DLG2: variants seen among roughly 807,000 people sequenced by gnomAD.
DLG2 encodes the protein disks large homolog 2.
In DLG2, 45 loss-of-function variants were observed where a neutral mutation model predicts 132.5. The observed-to-expected ratio is 0.34, with a 90% CI of 0.27 to 0.44. DLG2 has a LOEUF of 0.44. DLG2 is among the 20% of genes least tolerant of loss of function. The pLI, the probability that DLG2 is intolerant of heterozygous loss-of-function variation, is 1.00. For missense variants in DLG2, 1,045 were observed against 1,196.9 expected, an observed-to-expected ratio of 0.87 and a Z score of 1.87; for synonymous variants, 424 against 419.6, an observed-to-expected ratio of 1.01 and a Z score of -0.13.
chr11:83,737,602 T>C (rs1593358303), intron 18 of DLG2, among the ~76,000 whole-genome samples: 1 of 152,186 alleles, frequency 6.6e-6, no homozygotes, highest in African/African-American at 2.4e-5. Context: ...GGATAGCAAA[T>C]AGAACTATAT....
intron 8 of DLG2, among the ~76,000 whole-genome samples, chr11:84,245,517 AG>A (rs1263284102): frequency 2.3e-4 from 35 of 152,190 alleles, no homozygotes; most frequent in East Asian, 1.2e-3. Context: ...CTTTCCTAGG[AG>A]GGTTTTCCAA....
intron 7 of DLG2, among the ~76,000 whole-genome samples, chr11:84,293,999 A>T (rs1004018278): frequency 2.7e-4 from 41 of 152,324 alleles, no homozygotes; most frequent in African/African-American, 9.9e-4. Flanking sequence ...CCAGAAAAAG[A>T]GTCTGCATGT....
chr11:84,489,184 A>G (rs1409587921), intron 7 of DLG2, among the ~76,000 whole-genome samples: 1 of 152,098 alleles, frequency 6.6e-6, no homozygotes, highest in Non-Finnish European at 1.5e-5. Flanking sequence ...TTCAAAGTTT[A>G]TGATAGTATA....
In DLG2 at chr11:85,141,840, C is replaced by A. The variant is rs1363672528; in HGVS notation, c.282+12716G>T. ...CTTTTCCCAAAATATGTTCTTCACA[C>A]CTTTGTCAAAATTGAGTTCATGGTA... On this transcript the variant is annotated intron_variant, in intron 5 of 27. Coordinates refer to ENST00000376104, the MANE Select transcript of DLG2 (RefSeq NM_001142699.3). 2.0e-5 allele frequency among the ~76,000 whole-genome samples: 3 copies of A among 151,854 alleles called. No homozygotes were observed. The East Asian group carries it at 5.8e-4, about 29-fold the overall frequency.
intron 6 of DLG2, among the ~76,000 whole-genome samples, chr11:85,055,273 G>T (rs940312157): frequency 6.6e-6 from 1 of 151,974 alleles, no homozygotes; most frequent in African/African-American, 2.4e-5. Flanking sequence ...TTGAGGGAGA[G>T]AAAATTTCCA....
At chr11:83,842,529 A>C (rs1318017652) in intron 16 of DLG2, among the ~76,000 whole-genome samples, 112 of 128,776 alleles carry the variant, frequency 8.7e-4, no homozygotes, top group Middle Eastern at 4.3e-3. Context: ...GTCTCAAAAA[A>C]AAAAAAAAAA....
chr11:84,956,428 T>C (rs1461552476), intron 6 of DLG2, among the ~76,000 whole-genome samples: 2 of 152,180 alleles, frequency 1.3e-5, no homozygotes, highest in Non-Finnish European at 2.9e-5. Flanking sequence ...AAGTAAACAG[T>C]TCAGATTTGA....
At chr11:84,423,153 T>C (rs1490780139) in intron 7 of DLG2, among the ~76,000 whole-genome samples, 1 of 152,134 alleles carries the variant, frequency 6.6e-6, no homozygotes, top group African/African-American at 2.4e-5. Context: ...TCATTTGGTA[T>C]GATGAAAATT....
chr11:84,345,507 T>G (rs921114982), intron 7 of DLG2, among the ~76,000 whole-genome samples: 1 of 152,214 alleles, frequency 6.6e-6, no homozygotes, highest in African/African-American at 2.4e-5. Context: ...ATAAAAACCT[T>G]CTTCATTTTT....
At chr11:85,556,138 G>T (rs1003513257) in intron 3 of DLG2, among the ~76,000 whole-genome samples, 20 of 151,730 alleles carry the variant, frequency 1.3e-4, no homozygotes, top group Admixed American at 2.6e-4. Flanking sequence ...GTTGAAATTG[G>T]CATTATATGG....
At chr11:85,556,589 G>T (rs1489921995) in intron 3 of DLG2, among the ~76,000 whole-genome samples, 2 of 151,772 alleles carry the variant, frequency 1.3e-5, no homozygotes, top group South Asian at 2.1e-4. Context: ...ATAAATAGAG[G>T]TTTGTCTTAC....
intron 7 of DLG2, among the ~76,000 whole-genome samples, chr11:84,491,040 G>C (rs756158230): frequency 2.0e-5 from 3 of 152,160 alleles, no homozygotes; most frequent in African/African-American, 4.8e-5. Context: ...GGTAGAGCTA[G>C]AGTATGAAAT....
chr11:84,452,941 T>A (rs554294122), intron 7 of DLG2, among the ~76,000 whole-genome samples: 1 of 151,652 alleles, frequency 6.6e-6, no homozygotes, highest in Non-Finnish European at 1.5e-5. Flanking sequence ...CAGAAAAATA[T>A]ATTTAAAAAA....
At chr11:84,725,369 C>T (rs1454005837) in intron 6 of DLG2, among the ~76,000 whole-genome samples, 1 of 152,110 alleles carries the variant, frequency 6.6e-6, no homozygotes, top group East Asian at 1.9e-4. Flanking sequence ...GCATTATTAG[C>T]TGTGTGATTT....
intron 3 of DLG2, among the ~76,000 whole-genome samples, chr11:85,500,559 AATAAAT>A (rs2093777008): frequency 7.8e-6 from 1 of 128,918 alleles, no homozygotes; most frequent in Non-Finnish European, 1.7e-5. Context: ...ATAAAAATAA[AATAAAT>A]AAATAAATAA....
At chr11:84,927,501 T>C (rs2047539238) in intron 6 of DLG2, among the ~76,000 whole-genome samples, 2 of 152,004 alleles carry the variant, frequency 1.3e-5, no homozygotes, top group South Asian at 4.1e-4. Context: ...ATTACTGCCT[T>C]AGAGCATGGG....
At position 84,707,000 on chromosome 11, in the gene DLG2, A is replaced by C. The variant is rs1165573332; in HGVS notation, c.358-172269T>G. ...ATGCCAAATGCTTATTCAAAATTGC[A>C]GAACACCTAGCTGTGACAGTGCAAA... On this transcript the variant is annotated intron_variant, in intron 6 of 27. Transcript: ENST00000376104. 2.6e-5 allele frequency among the ~76,000 whole-genome samples: 4 copies of C among 151,964 alleles called. No individual in the cohort carries two copies. In the East Asian group the frequency reaches 7.8e-4, roughly 30 times the overall value.
intron 11 of DLG2, among the ~76,000 whole-genome samples, chr11:84,053,380 T>C (rs2096437707): frequency 6.6e-6 from 1 of 151,998 alleles, no homozygotes; most frequent in Admixed American, 6.6e-5. Flanking sequence ...GGCACACGTT[T>C]ACCTATGTAA....
At chr11:84,576,110 T>G (rs1388424991) in intron 6 of DLG2, among the ~76,000 whole-genome samples, 1 of 152,222 alleles carries the variant, frequency 6.6e-6, no homozygotes, top group Non-Finnish European at 1.5e-5. Flanking sequence ...TATTTAAACT[T>G]ATTAGCACTT....
Sources: allele counts gnomAD v4.1 joint callset (sites outside exome capture counted in the v4.1 genomes callset), GRCh38; gene constraint gnomAD v4.1.1; transcripts MANE v1.5; gene names NCBI Gene and HGNC (gene_info 2026-07-23, HGNC 2026-07-21).